The following PCDH15 variants were observed in gnomAD, a reference collection of about 807,000 sequenced individuals.
PCDH15 encodes the protein protocadherin related 15, also known as protocadherin-15.
Under a neutral mutation model 178.5 loss-of-function variants are expected in PCDH15, and 129 were observed. The ratio of observed to expected loss-of-function variants is 0.72; its 90% CI spans 0.63 to 0.84. The LOEUF (loss-of-function observed/expected upper bound fraction) is 0.84, where lower values mean the gene tolerates loss of function less well. Ranked by LOEUF, PCDH15 falls within the 40% of genes least tolerant of loss-of-function variation. The probability of loss-of-function intolerance (pLI) is 0.00; values close to 1 mark genes in which losing one functional copy is unlikely to be tolerated. For synonymous variants in PCDH15, 800 were observed against 732.0 expected (o/e 1.09, Z -1.50); for missense variants, 2,230 against 2,099.9 (o/e 1.06, Z -1.21).
chr10:55,235,335 G>A (rs1841347593), intron 1 of PCDH15, among the ~76,000 whole-genome samples: 1 of 151,630 alleles, frequency 6.6e-6, no homozygotes, highest in East Asian at 1.9e-4. Flanking sequence ...ATTTCCATTC[G>A]TAACTTAGTC....
intron 22 of PCDH15, among the ~76,000 whole-genome samples, 189 bp downstream of exon 22, chr10:53,961,563 A>G (rs1418580507): frequency 6.6e-6 from 1 of 152,042 alleles, no homozygotes; most frequent in Non-Finnish European, 1.5e-5. Context: ...AGCTATTTCC[A>G]AGATGTGAGA....
At chr10:55,227,202 A>C (rs1260636742) in intron 1 of PCDH15, among the ~76,000 whole-genome samples, 1 of 152,134 alleles carries the variant, frequency 6.6e-6, no homozygotes, top group East Asian at 1.9e-4. Flanking sequence ...CAGAAATCAC[A>C]ATGCTGTCAG....
intron 2 of PCDH15, among the ~76,000 whole-genome samples, chr10:54,977,921 A>G (rs1369690421): frequency 2.6e-5 from 4 of 152,314 alleles, no homozygotes; most frequent in African/African-American, 9.6e-5. Flanking sequence ...ACATTCAGAT[A>G]GAATAATTAT....
intron 3 of PCDH15, among the ~76,000 whole-genome samples, chr10:54,886,089 T>G (rs150790577): frequency 6.6e-6 from 1 of 151,746 alleles, no homozygotes; most frequent in East Asian, 1.9e-4. Context: ...AATAATTCAA[T>G]GACTTACATT....
intron 25 of PCDH15, among the ~76,000 whole-genome samples, chr10:53,919,839 A>C (rs929782323): frequency 5.3e-5 from 8 of 152,214 alleles, no homozygotes; most frequent in Non-Finnish European, 8.8e-5. Flanking sequence ...GACCACAAGA[A>C]AAATGAACAT....
chr10:54,081,286 C>T (rs192157792), intron 16 of PCDH15, among the ~76,000 whole-genome samples: 3 of 144,094 alleles, frequency 2.1e-5, no homozygotes, highest in Non-Finnish European at 4.5e-5. Context: ...ATCTATATCG[C>T]CTCCCAACTG....
At chr10:54,576,311 G>C (rs1010444890) in intron 2 of PCDH15, among the ~76,000 whole-genome samples, 2 of 152,164 alleles carry the variant, frequency 1.3e-5, no homozygotes, top group African/African-American at 2.4e-5. Context: ...TACTCATGTA[G>C]TTAGCGATTT....
chr10:55,604,565 C>A (rs1303544131), intron 2 of PCDH15, among the ~76,000 whole-genome samples: 5 of 142,940 alleles, frequency 3.5e-5, no homozygotes, highest in African/African-American at 1.3e-4. Flanking sequence ...ACAGTGCAAT[C>A]AAACTAGAAC....
At chr10:54,065,564 A>G (rs1001367369) in intron 18 of PCDH15, among the ~76,000 whole-genome samples, 12 of 152,210 alleles carry the variant, frequency 7.9e-5, no homozygotes, top group Non-Finnish European at 2.9e-5. Flanking sequence ...GCCAGTTGGT[A>G]TCAAGACCAG....
At chr10:55,600,161 G>T (rs187541769) in intron 2 of PCDH15, 2 of 293,386 alleles carry the variant, frequency 6.8e-6, no homozygotes, top group South Asian at 7.7e-5. Flanking sequence ...TCAGGAGATC[G>T]AGACCATCCT....
At chr10:54,099,386 G>C (rs1005667361) in intron 15 of PCDH15, among the ~76,000 whole-genome samples, 8 of 151,042 alleles carry the variant, frequency 5.3e-5, no homozygotes, top group African/African-American at 1.7e-4. Context: ...TGTAGTCCCA[G>C]CTACTCGGGA....
In PCDH15 at chr10:55,119,720, T is replaced by A. The variant is rs568432649; in HGVS notation, c.-80+46856A>T. ...GTATTGCCCAAATGGCCTGTAACTA[T>A]GTTCCTCTCAGGAGGGAAGTAATAT... On this transcript the variant is annotated intron_variant, in intron 2 of 5. Coordinates refer to the PCDH15 transcript ENST00000458638. Among the ~76,000 whole-genome samples, 25 of 152,330 alleles carry A rather than the reference T, an allele frequency of 1.6e-4. No individual in the cohort carries two copies. In the Middle Eastern group the frequency reaches 0.017, roughly 104 times the overall value.
chr10:54,881,695 C>G (rs1954265122), intron 3 of PCDH15, among the ~76,000 whole-genome samples: 1 of 152,002 alleles, frequency 6.6e-6, no homozygotes, highest in Non-Finnish European at 1.5e-5. Context: ...GGTATCTATT[C>G]AATATCATAA....
intron 3 of PCDH15, among the ~76,000 whole-genome samples, chr10:54,460,049 T>G (rs762865434): frequency 6.6e-6 from 1 of 152,058 alleles, no homozygotes; most frequent in African/African-American, 2.4e-5. Context: ...CCACAGATGA[T>G]TTGGGGAATA....
chr10:54,455,195 A>C, intron 3 of PCDH15, among the ~76,000 whole-genome samples: 1 of 152,108 alleles, frequency 6.6e-6, no homozygotes, highest in East Asian at 1.9e-4. Flanking sequence ...TAAATTACCA[A>C]GTCTCGGGTA....
At chr10:53,916,474 C>G (rs1255025124) in intron 25 of PCDH15, among the ~76,000 whole-genome samples, 2 of 151,990 alleles carry the variant, frequency 1.3e-5, no homozygotes, top group Non-Finnish European at 2.9e-5. Flanking sequence ...TGAGTTCAAA[C>G]GGATACATTT....
intron 2 of PCDH15, among the ~76,000 whole-genome samples, chr10:55,345,919 T>C (rs1844742553): frequency 6.6e-6 from 1 of 152,098 alleles, no homozygotes; most frequent in Non-Finnish European, 1.5e-5. Context: ...TTATTGTGGA[T>C]ATTAACAGTC....
chr10:55,067,538 T>C (rs1360859302), intron 2 of PCDH15, among the ~76,000 whole-genome samples: 1 of 151,986 alleles, frequency 6.6e-6, no homozygotes, highest in Non-Finnish European at 1.5e-5. Flanking sequence ...GTTTGACAAA[T>C]ATGTGAGTGC....
At chr10:54,705,228 G>T (rs2095353704) in intron 1 of PCDH15, among the ~76,000 whole-genome samples, 1 of 151,834 alleles carries the variant, frequency 6.6e-6, no homozygotes, top group African/African-American at 2.4e-5. Flanking sequence ...ATTACCTTGG[G>T]TATGAAATAA....
Sources: allele counts gnomAD v4.1 joint callset (sites outside exome capture counted in the v4.1 genomes callset), GRCh38; gene constraint gnomAD v4.1.1; transcripts MANE v1.5; gene names NCBI Gene and HGNC (gene_info 2026-07-23, HGNC 2026-07-21).